SLIT1: variants seen among roughly 807,000 people sequenced by gnomAD.
SLIT1 encodes the protein slit homolog 1 protein.
A neutral mutation model predicts 186.1 loss-of-function variants in SLIT1; 66 were observed. That is an observed-to-expected ratio of 0.35 (90% CI 0.29 to 0.44). The LOEUF is 0.44. SLIT1 is among the 20% of genes least tolerant of loss of function. SLIT1 has a pLI of 1.00. For missense variants in SLIT1, 1,638 were observed against 2,037.4 expected, an observed-to-expected ratio of 0.80 and a Z score of 3.77; for synonymous variants, 761 against 833.8, an observed-to-expected ratio of 0.91 and a Z score of 1.50.
chr10:97,082,327 G>C (rs1428916388), intron 4 of SLIT1, among the ~76,000 whole-genome samples: 1 of 152,270 alleles, frequency 6.6e-6, no homozygotes, highest in East Asian at 1.9e-4. Context: ...GGTGATGATA[G>C]TGGTGGTGGC....
At position 97,108,886 on chromosome 10, in the gene SLIT1, CAAAAAAAAAAAAAAA is replaced by C. The variant is rs11355026; in HGVS notation, c.414-42815_414-42801del. On this transcript the variant is annotated intron_variant, in intron 4 of 36. Transcript: ENST00000266058. ...CTGGTGACAGAGTGAGTCTCAGTCT[CAAAAAAAAAAAAAAA>C]AAAAAAAAAAAAAAAAGCCACACTC... is the stretch of plus-strand genomic sequence containing the variant. Among the ~76,000 whole-genome samples the C allele has an allele frequency of 4.8e-3, 225 of 46,788 alleles. 1 individual carries two copies. Among genetic ancestry groups the C allele is most frequent in the African/African-American group, 0.016 (171 of 10,914 alleles). The allele number at this position is 46,788 out of a possible 152,430, so 30.7% of individuals were successfully genotyped here. A position where few individuals can be genotyped will look rare whatever the true frequency, so the allele number is the denominator to read the frequency against.
At chr10:97,020,745 C>A (rs1286497869) in intron 26 of SLIT1, among the ~76,000 whole-genome samples, 1 of 152,278 alleles carries the variant, frequency 6.6e-6, no homozygotes, top group East Asian at 1.9e-4. Flanking sequence ...GGGGCTTGAG[C>A]TGTCAGTCAC....
rs184835868 is a variant in SLIT1, at chr10:97,141,378, C to T, written c.413+16440G>A. On this transcript the variant is annotated intron_variant, in intron 4 of 36. Coordinates refer to ENST00000266058, the MANE Select transcript of SLIT1 (RefSeq NM_003061.3). ...GGGTTCCTCTACATTTTCTTTTCAT[C>T]GCACCAAACAGCCCCAGGCCCCTTG... Among the ~76,000 whole-genome samples the T allele has an allele frequency of 2.4e-4, 36 of 152,252 alleles. No individual in the cohort carries two copies. In the East Asian group the frequency reaches 4.6e-3, roughly 20 times the overall value.
chr10:97,124,762 G>A (rs531397892), intron 4 of SLIT1, among the ~76,000 whole-genome samples: 1 of 152,272 alleles, frequency 6.6e-6, no homozygotes, highest in South Asian at 2.1e-4. Flanking sequence ...AAGCAGCATG[G>A]ACATTAGAAG....
chr10:97,129,255 A>T, intron 4 of SLIT1, among the ~76,000 whole-genome samples: 1 of 152,042 alleles, frequency 6.6e-6, no homozygotes, highest in East Asian at 1.9e-4. Flanking sequence ...TACAAAAATT[A>T]GTCGGGTGTG....
intron 4 of SLIT1, among the ~76,000 whole-genome samples, chr10:97,117,405 C>G (rs906175147): frequency 6.6e-6 from 1 of 152,180 alleles, no homozygotes. Context: ...AACATACTCT[C>G]CATGTCGATA....
At chr10:97,165,316 A>C (rs1417136920) in intron 1 of SLIT1, among the ~76,000 whole-genome samples, 1 of 152,194 alleles carries the variant, frequency 6.6e-6, no homozygotes, top group Non-Finnish European at 1.5e-5. Flanking sequence ...ACAGGGTAGA[A>C]GCAAGTAAAC....
intron 28 of SLIT1, among the ~76,000 whole-genome samples, chr10:97,018,021 G>A (rs992318657): frequency 1.3e-5 from 2 of 151,918 alleles, no homozygotes; most frequent in African/African-American, 4.8e-5. Context: ...GCTAATTTTT[G>A]TATTTTTATT....
At chr10:97,049,275 C>G (rs1283829939) in intron 13 of SLIT1, among the ~76,000 whole-genome samples, 157 bp from the exon 14 acceptor site, 1 of 152,136 alleles carries the variant, frequency 6.6e-6, no homozygotes, top group South Asian at 2.1e-4. Context: ...TGGGGTGAAC[C>G]CCCAGGGTGC....
At chr10:97,001,943 G>A (rs895346700) in intron 36 of SLIT1, among the ~76,000 whole-genome samples, 10 of 152,136 alleles carry the variant, frequency 6.6e-5, no homozygotes, top group African/African-American at 1.9e-4. Context: ...CAGAAGAGGC[G>A]CATACCCTGA....
At chr10:97,137,946 C>T (rs1289045911) in intron 4 of SLIT1, among the ~76,000 whole-genome samples, 1 of 152,220 alleles carries the variant, frequency 6.6e-6, no homozygotes, top group Admixed American at 6.5e-5. Context: ...GATTAAGCAA[C>T]TTGCCAGGTC....
At chr10:97,046,608 G>C (rs1445486409) in intron 18 of SLIT1, 46 bp downstream of exon 18, 1 of 1,541,910 alleles carries the variant, frequency 6.5e-7, no homozygotes, top group Non-Finnish European at 8.7e-7. Context: ...GGCTTTGCCT[G>C]CCTCCTGCAG....
intron 30 of SLIT1, among the ~76,000 whole-genome samples, chr10:97,011,429 C>T (rs11188988): frequency 0.063 from 9,655 of 152,122 alleles, 740 homozygotes; most frequent in African/African-American, 0.18. Context: ...GGAGGACCCA[C>T]CTTCACCAGC....
intron 4 of SLIT1, among the ~76,000 whole-genome samples, chr10:97,085,463 C>T (rs960797897): frequency 2.0e-5 from 3 of 152,070 alleles, no homozygotes; most frequent in African/African-American, 7.3e-5. Context: ...TCTTGGCTCA[C>T]TGCAACCTCT....
chr10:97,143,770 A>G (rs1849789356), intron 4 of SLIT1, among the ~76,000 whole-genome samples: 1 of 152,220 alleles, frequency 6.6e-6, no homozygotes, highest in African/African-American at 2.4e-5. Context: ...TTAATGCTTC[A>G]TTTACGTACA....
chr10:97,163,302 C>T, intron 3 of SLIT1, 78 bp downstream of exon 3: 1 of 1,279,242 alleles, frequency 7.8e-7, no homozygotes, highest in Non-Finnish European at 1.1e-6. Context: ...GCCCCTCATC[C>T]CTGGCAGCAG....
Position 97,013,968 on chromosome 10 carries a change from G to A in SLIT1, c.3109+51C>T, listed in dbSNP as rs377058609. The A allele has an allele frequency of 1.3e-4, 209 of 1,599,978 alleles. 1 individual carries two copies. The South Asian group carries it at 1.5e-3, about 11-fold the overall frequency. ...CCACTCCCGAGCATGGGGGCTCAGG[G>A]CTGTCTCTGTTCCCCACCTCCCCCA... On this transcript the variant is annotated intron_variant, in intron 29 of 36. Transcript: ENST00000266058.
chr10:97,130,551 C>A (rs1589404804), intron 4 of SLIT1, among the ~76,000 whole-genome samples: 1 of 152,168 alleles, frequency 6.6e-6, no homozygotes, highest in Non-Finnish European at 1.5e-5. Flanking sequence ...GTACCCAGCA[C>A]GGTCAAATTC....
chr10:97,133,083 A>G (rs1213528641), intron 4 of SLIT1, among the ~76,000 whole-genome samples: 1 of 152,222 alleles, frequency 6.6e-6, no homozygotes, highest in Admixed American at 6.5e-5. Context: ...CAGCTTTATC[A>G]CAAGAGCCAG....
Sources: allele counts gnomAD v4.1 joint callset (sites outside exome capture counted in the v4.1 genomes callset), GRCh38; gene constraint gnomAD v4.1.1; transcripts MANE v1.5; gene names NCBI Gene and HGNC (gene_info 2026-07-23, HGNC 2026-07-21).